NMNAT3: variants seen among roughly 807,000 people sequenced by gnomAD.
NMNAT3 encodes nicotinamide nucleotide adenylyltransferase 3.
Under a neutral mutation model 24.8 loss-of-function variants are expected in NMNAT3, and 21 were observed. The ratio of observed to expected loss-of-function variants is 0.85; its 90% confidence interval spans 0.60 to 1.22. NMNAT3 has a LOEUF of 1.22. Among genes scored for constraint, NMNAT3 ranks in the 50% most tolerant of loss-of-function variants. The pLI is 0.00. For synonymous variants in NMNAT3, 136 were observed against 155.2 expected (o/e 0.88, Z 0.92); for missense variants, 387 against 436.6 (o/e 0.89, Z 1.01).
chr3:139,579,089 A>G (rs767502620), intron 4 of NMNAT3, 34 bp from the exon 5 acceptor site: 13 of 1,576,158 alleles, frequency 8.2e-6, no homozygotes, highest in Non-Finnish European at 1.1e-5. Context: ...TTGCACATAC[A>G]GACAGATGCT....
chr3:139,588,470 G>A (rs1174899834), intron 3 of NMNAT3, among the ~76,000 whole-genome samples: 1 of 152,130 alleles, frequency 6.6e-6, no homozygotes, highest in Non-Finnish European at 1.5e-5. Context: ...GACAATAGTT[G>A]GGAAAATGCA....
At chr3:139,582,468 C>T (rs956279990) in intron 4 of NMNAT3, among the ~76,000 whole-genome samples, 5 of 150,682 alleles carry the variant, frequency 3.3e-5, no homozygotes, top group Middle Eastern at 3.2e-3. Flanking sequence ...GTGGCAAATC[C>T]CTGTCTCTGC....
intron 1 of NMNAT3, among the ~76,000 whole-genome samples, chr3:139,659,134 T>C (rs1576769062): frequency 6.6e-6 from 1 of 152,236 alleles, no homozygotes; most frequent in Admixed American, 6.5e-5. Flanking sequence ...GGTGTTCCAT[T>C]ATTTGGCTAT....
At chr3:139,599,585 G>T (rs887334615) in intron 3 of NMNAT3, 7 of 600,112 alleles carry the variant, frequency 1.2e-5, no homozygotes, top group African/African-American at 1.9e-5. Flanking sequence ...CAACTAAATG[G>T]TTATGCATGC....
chr3:139,619,793 CTT>C (rs1447614437), intron 3 of NMNAT3, among the ~76,000 whole-genome samples: 7 of 152,200 alleles, frequency 4.6e-5, no homozygotes, highest in African/African-American at 1.7e-4. Context: ...CTCAAAATAA[CTT>C]TAACGTTATT....
rs146954732 is a variant in NMNAT3, at chr3:139,561,269, C to T, written c.782G>A (p.Arg261Gln). 9.9e-6 allele frequency: 16 copies of T among 1,613,866 alleles called. No individual in the cohort carries two copies. Among genetic ancestry groups the T allele is most frequent in the African/African-American group, 9.3e-5 (7 of 74,906 alleles). ...GTAACCTTTTGGGTCGTGACCTACT[C>T]GGCCCACGCACACCAAGCCAAACTT... is the stretch of plus-strand genomic sequence containing the variant. The change falls in exon 7 of 7, where the codon CGA becomes CAA. Residue 261 changes from arginine (R) to glutamine (Q), a missense_variant. Arg to Gln is a conservative substitution (Grantham distance 43). This residue lies in a region of NMNAT3 where 323 missense variants were observed against 345.2 expected (regional missense o/e 0.94). Coordinates refer to ENST00000643695, the MANE Select transcript of NMNAT3 (RefSeq NM_001320510.2).
intron 1 of NMNAT3, among the ~76,000 whole-genome samples, chr3:139,675,680 G>C (rs963956974): frequency 6.6e-6 from 1 of 151,992 alleles, no homozygotes; most frequent in African/African-American, 2.4e-5. Context: ...TCCCTCTCCC[G>C]CCTCTGCCCT....
At chr3:139,644,868 C>A (rs1364203274) in intron 1 of NMNAT3, among the ~76,000 whole-genome samples, 1 of 152,030 alleles carries the variant, frequency 6.6e-6, no homozygotes, top group Non-Finnish European at 1.5e-5. Flanking sequence ...GGCTTGTAAT[C>A]ACAGAATAGA....
At chr3:139,643,049 T>C (rs541711778) in intron 1 of NMNAT3, among the ~76,000 whole-genome samples, 2 of 152,282 alleles carry the variant, frequency 1.3e-5, no homozygotes, top group South Asian at 4.1e-4. Flanking sequence ...AATTAAAAAG[T>C]GGGCAAAGGA....
In NMNAT3 at chr3:139,665,663, A is replaced by G. The variant is rs144544285; in HGVS notation, c.-141+12042T>C. On this transcript the variant is annotated intron_variant, in intron 1 of 6. Transcript: ENST00000643695. ...ATTGGAAACTGCTCAGTGCCTACCC[A>G]TAGAAAACTAATTTAGTGATCTCAA... Among the ~76,000 whole-genome samples, 286 of 152,186 alleles carry G rather than the reference A, an allele frequency of 1.9e-3. 4 individuals carry two copies. The highest frequency in any genetic ancestry group is 0.015 in the Admixed American group (226 of 15,292).
chr3:139,625,573 C>G (rs2056014763), intron 3 of NMNAT3, among the ~76,000 whole-genome samples: 1 of 152,224 alleles, frequency 6.6e-6, no homozygotes, highest in South Asian at 2.1e-4. Flanking sequence ...TTTATGTATA[C>G]TTCCCTTTTA....
intron 1 of NMNAT3, among the ~76,000 whole-genome samples, chr3:139,665,933 G>A (rs970822155): frequency 1.3e-5 from 2 of 152,092 alleles, no homozygotes; most frequent in Non-Finnish European, 2.9e-5. Flanking sequence ...GGAGGCAAAG[G>A]TAGAAGCTAT....
intron 3 of NMNAT3, among the ~76,000 whole-genome samples, chr3:139,592,834 A>G (rs544515801): frequency 1.3e-5 from 2 of 152,356 alleles, no homozygotes; most frequent in East Asian, 3.9e-4. Flanking sequence ...AAACATGGAA[A>G]GGAACAACGG....
intron 3 of NMNAT3, among the ~76,000 whole-genome samples, chr3:139,598,916 G>T (rs933443646): frequency 7.2e-5 from 11 of 152,050 alleles, no homozygotes; most frequent in African/African-American, 7.2e-5. Context: ...GCCAGGCAGG[G>T]CTAAGAAGGG....
At chr3:139,591,153 CT>C (rs2054150217) in intron 3 of NMNAT3, among the ~76,000 whole-genome samples, 1 of 151,244 alleles carries the variant, frequency 6.6e-6, no homozygotes, top group East Asian at 2.0e-4. Flanking sequence ...ATTGCCTCAC[CT>C]GGGAAGCGCA....
At chr3:139,593,666 A>G (rs2054308290) in intron 3 of NMNAT3, among the ~76,000 whole-genome samples, 1 of 150,108 alleles carries the variant, frequency 6.7e-6, no homozygotes, top group African/African-American at 2.5e-5. Context: ...CTCACTCAAA[A>G]CCGCTCAACT....
intron 1 of NMNAT3, among the ~76,000 whole-genome samples, chr3:139,665,892 A>G (rs539271682): frequency 5.3e-5 from 8 of 152,362 alleles, no homozygotes; most frequent in African/African-American, 1.7e-4. Flanking sequence ...CTCTGAAAGC[A>G]TATAAAAAAT....
chr3:139,672,317 G>A (rs915622989), intron 1 of NMNAT3, among the ~76,000 whole-genome samples: 1 of 152,182 alleles, frequency 6.6e-6, no homozygotes, highest in Non-Finnish European at 1.5e-5. Context: ...GGGGAAGGCA[G>A]GAAGAAGATT....
chr3:139,615,650 T>C (rs73220966), intron 3 of NMNAT3, among the ~76,000 whole-genome samples: 8,284 of 152,294 alleles, frequency 0.054, 288 homozygotes, highest in Non-Finnish European at 0.077. Flanking sequence ...GTGAGATGCG[T>C]GACTTCCATT....
Sources: gnomAD v4.1 joint callset for allele counts (sites outside exome capture counted in the v4.1 genomes callset) on GRCh38, gnomAD v4.1.1 for gene constraint, gnomAD v4.1.1 regional missense constraint, MANE v1.5 for transcripts, NCBI Gene and HGNC (gene_info 2026-07-23, HGNC 2026-07-21) for gene names.